Variants in SRPRA observed in about 807,000 individuals in gnomAD.
The protein encoded by SRPRA is SRP receptor subunit alpha, also known as signal recognition particle receptor subunit alpha.
SRPRA carries 30 observed loss-of-function variants against 61.1 expected under a neutral mutation model. The ratio of observed to expected loss-of-function variants is 0.49; its 90% CI spans 0.37 to 0.67. The LOEUF (loss-of-function observed/expected upper bound fraction) is 0.67. SRPRA is among the 30% of genes least tolerant of loss of function. The pLI, the probability that SRPRA is intolerant of heterozygous loss-of-function variation, is 0.00. For synonymous variants in SRPRA, 324 were observed against 299.7 expected, an observed-to-expected ratio of 1.08 and a Z score of -0.84; for missense variants, 759 against 828.4, an observed-to-expected ratio of 0.92 and a Z score of 1.03.
chr11:126,267,419 G>C lies in SRPRA; in HGVS notation c.366-84C>G. 6.3e-7 allele frequency: 1 copy of C among 1,589,572 alleles called. No individual in the cohort carries two copies. Among genetic ancestry groups the C allele is most frequent in the Non-Finnish European group, 8.6e-7 (1 of 1,166,006 alleles). On this transcript the variant is annotated intron_variant, in intron 3 of 13. Coordinates refer to ENST00000332118, the MANE Select transcript of SRPRA (RefSeq NM_003139.4). The surrounding 1 kb of genome is among the most constrained non-coding windows in gnomAD (Gnocchi z 4.2). The stretch of plus-strand genomic sequence containing the variant: ...CCAGAGAAAGGACTCTCACACCCAA[G>C]AGGACAATGAGAACTGGGTAGCAAA...
chr11:126,268,568 G>T (rs1950872004), intron 1 of SRPRA, 120 bp downstream of exon 1: 1 of 770,558 alleles, frequency 1.3e-6, no homozygotes, highest in Non-Finnish European at 2.2e-6. Context: ...CGGGTTACGC[G>T]TGAGTGGTCA....
chr11:126,262,936 AATTT>A (rs1240798593), exon 14 of SRPRA: 1 of 152,670 alleles, frequency 6.6e-6, no homozygotes, highest in Non-Finnish European at 1.5e-5. Context: ...CCTAAAAGGC[AATTT>A]ATTTATGAAA....
At chr11:126,253,189 C>T in the SRPRA span, among the ~76,000 whole-genome samples, 1 of 152,162 alleles carries the variant, frequency 6.6e-6, no homozygotes, top group East Asian at 1.9e-4. This position sits in a 1 kb window ranked among gnomAD's most constrained non-coding sequence, Gnocchi z 5.1. Context: ...TGATGTTTTC[C>T]TTCTCATTTC....
Position 126,263,864 on chromosome 11 carries a change from G to A in SRPRA, c.*52C>T. On this transcript the variant is annotated 3_prime_UTR_variant, in exon 14 of 14. Transcript: ENST00000332118. Reference sequence around the variant, plus strand: ...TACTCTAAAGCACATTCTTGATACAGGAAGAAGGGCTTGTGGGGAAAGCGG... The same window carrying A: ...TACTCTAAAGCACATTCTTGATACAAGAAGAAGGGCTTGTGGGGAAAGCGG... 2.5e-6 allele frequency: 4 copies of A among 1,606,316 alleles called. No individual in the cohort carries two copies. The South Asian group carries it at 3.3e-5, about 13-fold the overall frequency.
chr11:126,268,358 A>G (rs1950865292), intron 1 of SRPRA, among the ~76,000 whole-genome samples: 1 of 152,208 alleles, frequency 6.6e-6, no homozygotes, highest in South Asian at 2.1e-4. Context: ...GCTATACACC[A>G]TTTAGTTTTG....
chr11:126,251,152 G>A, the SRPRA span, among the ~76,000 whole-genome samples: 1 of 152,146 alleles, frequency 6.6e-6, no homozygotes, highest in Non-Finnish European at 1.5e-5. Flanking sequence ...CCAAGCGATG[G>A]CTGAATTGAG....
chr11:126,256,489 C>A, the SRPRA span: 1 of 1,390,054 alleles, frequency 7.2e-7, no homozygotes, highest in Non-Finnish European at 9.9e-7. This position sits in a 1 kb window ranked among gnomAD's most constrained non-coding sequence, Gnocchi z 6.6. Context: ...GTCTGCTCAA[C>A]GTAGCATGAC....
Position 126,264,858 on chromosome 11 carries a change from C to T in SRPRA, c.1525+101G>A, listed in dbSNP as rs1464552832. On this transcript the variant is annotated intron_variant, in intron 11 of 13. Transcript: ENST00000332118. The surrounding 1 kb of genome is among the most constrained non-coding windows in gnomAD (Gnocchi z 5.0). Reference sequence around the variant, plus strand: ...CTGACTTTTTACTGTAATTGACCAACGAGTCTGTAGTAGCACAAGCCTGAT... The same window carrying T: ...CTGACTTTTTACTGTAATTGACCAATGAGTCTGTAGTAGCACAAGCCTGAT... 9.6e-6 allele frequency: 11 copies of T among 1,142,510 alleles called. No homozygotes were observed. In the Admixed American group the frequency reaches 1.1e-4, roughly 11 times the overall value. The allele number at this position is 1,142,510 out of a possible 1,614,324, so 70.8% of individuals were successfully genotyped here. A position where few individuals can be genotyped will look rare whatever the true frequency, so the allele number is the denominator to read the frequency against.
the SRPRA span, among the ~76,000 whole-genome samples, chr11:126,245,493 T>A: frequency 6.6e-6 from 1 of 151,964 alleles, no homozygotes; most frequent in South Asian, 2.1e-4. Flanking sequence ...TTGGACATGA[T>A]GAGACTTTGA....
chr11:126,242,024 CAA>C, the SRPRA span, among the ~76,000 whole-genome samples: 1,885 of 88,444 alleles, frequency 0.021, 35 homozygotes, highest in African/African-American at 0.071. Context: ...GACTCCGTCT[CAA>C]AAAAAAAAAA....
chr11:126,252,807 G>A, the SRPRA span, among the ~76,000 whole-genome samples: 95 of 152,268 alleles, frequency 6.2e-4, no homozygotes, highest in African/African-American at 2.2e-3. This position sits in a 1 kb window ranked among gnomAD's most constrained non-coding sequence, Gnocchi z 4.7. Flanking sequence ...GGCCGAGGTG[G>A]GTGGATCACT....
At chr11:126,254,182 A>T in the SRPRA span, 2 of 1,201,188 alleles carry the variant, frequency 1.7e-6, no homozygotes, top group Non-Finnish European at 2.3e-6. Context: ...TTCTTGTCCT[A>T]TATCATGAAG....
the SRPRA span, among the ~76,000 whole-genome samples, chr11:126,255,575 T>G: frequency 2.0e-5 from 3 of 152,206 alleles, no homozygotes; most frequent in Non-Finnish European, 4.4e-5. The surrounding 1 kb of genome is among the most constrained non-coding windows in gnomAD (Gnocchi z 4.6). Flanking sequence ...TCTCTGGTGA[T>G]TCACAGTTCA....
chr11:126,245,952 C>T, the SRPRA span, among the ~76,000 whole-genome samples: 7 of 147,888 alleles, frequency 4.7e-5, no homozygotes, highest in Non-Finnish European at 1.0e-4. Context: ...GCCGAGATAG[C>T]GCCATTGCAC....
the SRPRA span, chr11:126,256,943 A>C: frequency 1.0e-4 from 134 of 1,325,116 alleles, no homozygotes; most frequent in African/African-American, 1.9e-3. This position sits in a 1 kb window ranked among gnomAD's most constrained non-coding sequence, Gnocchi z 6.6. Context: ...AATAGTTGCC[A>C]AGATGAGGAA....
At position 126,265,941 on chromosome 11, in the gene SRPRA, C is replaced by T; in HGVS notation, c.1051+22G>A. The T allele has an allele frequency of 6.2e-7, 1 of 1,613,036 alleles. No individual in the cohort carries two copies. The highest frequency in any genetic ancestry group is 8.5e-7 in the Non-Finnish European group (1 of 1,179,032). On this transcript the variant is annotated intron_variant, in intron 8 of 13. Coordinates refer to ENST00000332118, the MANE Select transcript of SRPRA (RefSeq NM_003139.4). The surrounding 1 kb of genome is among the most constrained non-coding windows in gnomAD (Gnocchi z 6.3). ...CTACCCCTATCCCGCGAGTATGAGT[C>T]AGCCCGGTCCTCAGAACTTACCAAT...
At position 126,263,761 on chromosome 11, in the gene SRPRA, G is replaced by T; in HGVS notation, c.*155C>A. 1 of 1,060,130 alleles carries T rather than the reference G, an allele frequency of 9.4e-7. No homozygotes were observed. The highest frequency in any genetic ancestry group is 1.4e-6 in the Non-Finnish European group (1 of 732,992). The allele number at this position is 1,060,130 out of a possible 1,614,324, so 65.7% of individuals were successfully genotyped here. On this transcript the variant is annotated 3_prime_UTR_variant, in exon 14 of 14. Coordinates refer to ENST00000332118, the MANE Select transcript of SRPRA (RefSeq NM_003139.4). ...CTTCCTTGCAGATGGCGGCTGTGCT[G>T]AACGGGGAGTGGGGTTGGAAGGAGC...
the SRPRA span, chr11:126,256,960 G>T: frequency 8.6e-7 from 1 of 1,165,954 alleles, no homozygotes; most frequent in Non-Finnish European, 1.2e-6. This position sits in a 1 kb window ranked among gnomAD's most constrained non-coding sequence, Gnocchi z 6.6. Flanking sequence ...GGAATGTAAT[G>T]ACTGACCAAA....
chr11:126,237,023 T>C, the SRPRA span, among the ~76,000 whole-genome samples: 1 of 149,470 alleles, frequency 6.7e-6, no homozygotes, highest in Non-Finnish European at 1.5e-5. Context: ...TTCACACCAT[T>C]CTCCTGCCTC....
Sources: gnomAD v4.1 joint callset for allele counts (sites outside exome capture counted in the v4.1 genomes callset) on GRCh38, gnomAD v4.1.1 for gene constraint, Gnocchi (gnomAD v3.1) non-coding constraint, MANE v1.5 for transcripts, NCBI Gene and HGNC (gene_info 2026-07-23, HGNC 2026-07-21) for gene names.